Variants in RAD51B observed in about 807,000 individuals in gnomAD.
RAD51B encodes RAD51 paralog B.
Under a neutral mutation model 42.2 loss-of-function variants are expected in RAD51B, and 38 were observed. The ratio of observed to expected loss-of-function variants is 0.90; its 90% CI spans 0.70 to 1.18. The LOEUF (loss-of-function observed/expected upper bound fraction) is 1.18. Among genes scored for constraint, RAD51B ranks in the 50% most tolerant of loss-of-function variants. The probability of loss-of-function intolerance (pLI) is 0.00; values close to 1 mark genes in which losing one functional copy is unlikely to be tolerated. For synonymous variants in RAD51B, 154 were observed against 145.2 expected (o/e 1.06, Z -0.43); for missense variants, 373 against 400.7 (o/e 0.93, Z 0.59).
chr14:68,328,689 G>A (rs866901693), intron 8 of RAD51B, among the ~76,000 whole-genome samples: 11 of 152,216 alleles, frequency 7.2e-5, no homozygotes, highest in Admixed American at 2.0e-4. Flanking sequence ...ACGAGTTTCA[G>A]TGCTTGGTTT....
At chr14:68,507,251 A>G (rs1885398046) in intron 10 of RAD51B, among the ~76,000 whole-genome samples, 1 of 152,180 alleles carries the variant, frequency 6.6e-6, no homozygotes, top group East Asian at 1.9e-4. Context: ...TTAGCACCCA[A>G]TCTGCTCGGG....
intron 7 of RAD51B, among the ~76,000 whole-genome samples, chr14:67,975,901 C>T (rs2074984285): frequency 6.6e-6 from 1 of 152,220 alleles, no homozygotes; most frequent in South Asian, 2.1e-4. Flanking sequence ...ACCTTATCCC[C>T]ATCCCTAATA....
intron 7 of RAD51B, among the ~76,000 whole-genome samples, chr14:68,255,382 G>T (rs1185208197): frequency 6.6e-6 from 1 of 152,192 alleles, no homozygotes; most frequent in Non-Finnish European, 1.5e-5. Context: ...TGCCTGGTTT[G>T]CTGGTCTGGC....
At chr14:68,128,749 G>T (rs1595440936) in intron 7 of RAD51B, among the ~76,000 whole-genome samples, 1 of 152,144 alleles carries the variant, frequency 6.6e-6, no homozygotes, top group Admixed American at 6.5e-5. Flanking sequence ...GCTCTCAAAT[G>T]ATATGAACTT....
chr14:67,880,612 C>T (rs565706696), intron 5 of RAD51B, among the ~76,000 whole-genome samples: 7 of 152,122 alleles, frequency 4.6e-5, no homozygotes, highest in African/African-American at 1.2e-4. Context: ...TAATAATAGC[C>T]GTTTTGAGGT....
At chr14:68,350,342 C>T (rs568859192) in intron 8 of RAD51B, among the ~76,000 whole-genome samples, 1 of 152,320 alleles carries the variant, frequency 6.6e-6, no homozygotes, top group African/African-American at 2.4e-5. Context: ...TATATTCTAT[C>T]ACCATGGTTG....
chr14:67,884,884 A>C (rs1219850831), intron 5 of RAD51B, among the ~76,000 whole-genome samples: 1 of 152,064 alleles, frequency 6.6e-6, no homozygotes. Context: ...ATTTCTGATC[A>C]TAGCAAATGT....
chr14:68,357,521 C>T (rs530236058), intron 8 of RAD51B, among the ~76,000 whole-genome samples: 39 of 152,090 alleles, frequency 2.6e-4, no homozygotes, highest in Middle Eastern at 6.8e-3. Context: ...AGAAGATTTT[C>T]AACTTACTTT....
At chr14:68,037,183 C>CCCTCT (rs1251650735) in intron 7 of RAD51B, among the ~76,000 whole-genome samples, 858 of 31,504 alleles carry the variant, frequency 0.027, 64 homozygotes, top group African/African-American at 0.044. Context: ...CCCTCCCCTC[C>CCCTCT]CCTCTCCTCT....
At chr14:68,400,600 C>T (rs534428946) in intron 8 of RAD51B, among the ~76,000 whole-genome samples, 197 of 152,280 alleles carry the variant, frequency 1.3e-3, no homozygotes, top group African/African-American at 4.7e-3. Flanking sequence ...AAGCAAAGCT[C>T]ATACCAGGAC....
chr14:68,628,281 T>C (rs1328962308), intron 10 of RAD51B: 3 of 152,250 alleles, frequency 2.0e-5, no homozygotes, highest in Non-Finnish European at 4.4e-5. Flanking sequence ...GCCAGCAGAC[T>C]AGAGCCAGCT....
At chr14:68,573,971 A>AGTGTGT (rs1555427935) in intron 10 of RAD51B, among the ~76,000 whole-genome samples, 1 of 81,354 alleles carries the variant, frequency 1.2e-5, no homozygotes, top group African/African-American at 5.1e-5. Context: ...TGTGGGTGTC[A>AGTGTGT]GTGTGTGTAT....
intron 10 of RAD51B, chr14:68,561,986 C>G (rs1035987484): frequency 1.5e-5 from 15 of 985,324 alleles, no homozygotes; most frequent in Non-Finnish European, 1.8e-5. Context: ...GAGCTATTGT[C>G]TTTGTCCTCA....
At chr14:68,184,200 T>G (rs1428178054) in intron 7 of RAD51B, among the ~76,000 whole-genome samples, 3 of 152,056 alleles carry the variant, frequency 2.0e-5, no homozygotes, top group Non-Finnish European at 4.4e-5. Context: ...GGAGGATCAC[T>G]TGAACCCAAG....
At chr14:68,678,201 C>A (rs1267340068) in intron 11 of RAD51B, among the ~76,000 whole-genome samples, 3 of 152,220 alleles carry the variant, frequency 2.0e-5, no homozygotes, top group African/African-American at 7.2e-5. Flanking sequence ...CCACCTCGTT[C>A]AGTCCATGTC....
chr14:68,190,049 A>G (rs1368144530), intron 7 of RAD51B, among the ~76,000 whole-genome samples: 1 of 152,208 alleles, frequency 6.6e-6, no homozygotes, highest in African/African-American at 2.4e-5. Context: ...TTTCAAATTA[A>G]TTTCAAAATA....
At chr14:68,442,580 A>G (rs2031215574) in intron 9 of RAD51B, among the ~76,000 whole-genome samples, 2 of 151,264 alleles carry the variant, frequency 1.3e-5, no homozygotes, top group African/African-American at 4.9e-5. Flanking sequence ...AGCTGGGACT[A>G]CAGGTGCATG....
chr14:68,490,467 A>G (rs546725615), intron 10 of RAD51B, among the ~76,000 whole-genome samples: 14 of 152,332 alleles, frequency 9.2e-5, no homozygotes, highest in Admixed American at 2.0e-4. Context: ...AAGAAAGTAT[A>G]TGCTAATTAT....
chr14:68,157,375 A>T (rs1156736507), intron 7 of RAD51B, among the ~76,000 whole-genome samples: 2 of 152,204 alleles, frequency 1.3e-5, no homozygotes, highest in Non-Finnish European at 2.9e-5. Flanking sequence ...CAGAGATTTG[A>T]TTAACATACT....
Sources: allele counts gnomAD v4.1 joint callset (sites outside exome capture counted in the v4.1 genomes callset), GRCh38; gene constraint gnomAD v4.1.1; transcripts MANE v1.5; gene names NCBI Gene and HGNC (gene_info 2026-07-23, HGNC 2026-07-21).